JAK2: variants seen among roughly 807,000 people sequenced by gnomAD.
The protein encoded by JAK2 is tyrosine-protein kinase JAK2.
A neutral mutation model predicts 139.3 loss-of-function variants in JAK2; 86 were observed. That is an observed-to-expected ratio of 0.62 (90% CI 0.52 to 0.74). JAK2 has a LOEUF of 0.74. Among genes scored for constraint, JAK2 ranks in the 30% least tolerant of loss-of-function variants. The pLI is 0.00. For missense variants in JAK2, 1,421 were observed against 1,360.3 expected (o/e 1.04, Z -0.70); for synonymous variants, 490 against 437.7 (o/e 1.12, Z -1.49).
At chr9:4,999,449 AG>A (rs1820799658) in intron 2 of JAK2, among the ~76,000 whole-genome samples, 1 of 152,244 alleles carries the variant, frequency 6.6e-6, no homozygotes, top group Non-Finnish European at 1.5e-5. Context: ...CATTAGTCAA[AG>A]GGGCAAAAAA....
At chr9:5,061,559 G>C (rs1278592281) in intron 8 of JAK2, among the ~76,000 whole-genome samples, 1 of 152,138 alleles carries the variant, frequency 6.6e-6, no homozygotes, top group African/African-American at 2.4e-5. Flanking sequence ...ACCTCTCTCA[G>C]CCTTCATAGA....
intron 19 of JAK2, among the ~76,000 whole-genome samples, chr9:5,087,813 G>A (rs1455457506): frequency 6.6e-6 from 1 of 152,192 alleles, no homozygotes; most frequent in African/African-American, 2.4e-5. Flanking sequence ...ATCCTTAATA[G>A]AGATGTACAC....
chr9:5,045,080 T>C (rs1816908026), intron 5 of JAK2, among the ~76,000 whole-genome samples: 1 of 152,246 alleles, frequency 6.6e-6, no homozygotes, highest in Non-Finnish European at 1.5e-5. Context: ...TATTTCATAA[T>C]GCTTTCTTCT....
Position 5,081,257 on chromosome 9 carries a change from G to GT in JAK2, c.2435-467dup, listed in dbSNP as rs1407747866. Among the ~76,000 whole-genome samples, 4 of 94,846 alleles carry GT rather than the reference G, an allele frequency of 4.2e-5. No homozygotes were observed. The East Asian group carries it at 9.7e-4, about 23-fold the overall frequency. 62.2% of individuals were successfully genotyped at this position (94,846 alleles called of 152,430 possible). A position where few individuals can be genotyped will look rare whatever the true frequency, so the allele number is the denominator to read the frequency against. On this transcript the variant is annotated intron_variant, in intron 18 of 24. Coordinates refer to ENST00000381652, the MANE Select transcript of JAK2 (RefSeq NM_004972.4). ...TCCATTTAGTGAGTTGTAAATTATA[G>GT]TATTTTTTTTTTGCTTAAATTGACT...
intron 8 of JAK2, among the ~76,000 whole-genome samples, chr9:5,060,054 G>T (rs1338297179): frequency 6.6e-6 from 1 of 152,070 alleles, no homozygotes; most frequent in African/African-American, 2.4e-5. Flanking sequence ...AAATTTTTTG[G>T]TTTCTCAGTA....
intron 8 of JAK2, among the ~76,000 whole-genome samples, chr9:5,062,507 A>G (rs1256899260): frequency 3.1e-5 from 3 of 98,342 alleles, no homozygotes; most frequent in African/African-American, 9.9e-5. Flanking sequence ...TTGTAAAAAA[A>G]AAAAAAAAAA....
chr9:5,090,995 T>C, intron 22 of JAK2, 84 bp downstream of exon 22: 1 of 1,030,826 alleles, frequency 9.7e-7, no homozygotes, highest in Non-Finnish European at 1.4e-6. Flanking sequence ...TTGCCATTTC[T>C]ATATTTACAG....
At chr9:5,000,172 G>C (rs1317685803) in intron 2 of JAK2, among the ~76,000 whole-genome samples, 1 of 150,682 alleles carries the variant, frequency 6.6e-6, no homozygotes, top group Non-Finnish European at 1.5e-5. Flanking sequence ...TTAAAGTTTT[G>C]ATTATAGTGT....
chr9:5,110,129 A>G (rs1394213966), intron 22 of JAK2: 4 of 152,232 alleles, frequency 2.6e-5, no homozygotes, highest in Admixed American at 6.5e-5. Flanking sequence ...CAGCAGCAGG[A>G]AAGTCAGCTA....
Position 5,081,259 on chromosome 9 carries a change from A to T in JAK2, c.2435-466A>T, listed in dbSNP as rs1563984569. Among the ~76,000 whole-genome samples the T allele has an allele frequency of 3.3e-5, 5 of 149,918 alleles. No homozygotes were observed. In the East Asian group the frequency reaches 7.8e-4, roughly 23 times the overall value. On this transcript the variant is annotated intron_variant, in intron 18 of 24. Coordinates refer to ENST00000381652, the MANE Select transcript of JAK2 (RefSeq NM_004972.4). ...CATTTAGTGAGTTGTAAATTATAGT[A>T]TTTTTTTTTTGCTTAAATTGACTTT...
At position 5,122,993 on chromosome 9, in the gene JAK2, T is replaced by C; in HGVS notation, c.3060-11T>C. ...GTAACTGTCTTTTAAATGTTATTCATATATTTACAGGTATGCTCCAGAATC... is the reference window on the plus strand; with the variant it reads ...GTAACTGTCTTTTAAATGTTATTCACATATTTACAGGTATGCTCCAGAATC... On this transcript the variant is annotated splice_polypyrimidine_tract_variant and intron_variant, in intron 22 of 24. Coordinates refer to ENST00000381652, the MANE Select transcript of JAK2 (RefSeq NM_004972.4). 2 of 1,559,480 alleles carry C rather than the reference T, an allele frequency of 1.3e-6. No homozygotes were observed. The highest frequency in any genetic ancestry group is 1.8e-6 in the Non-Finnish European group (2 of 1,138,696).
chr9:5,124,046 T>C (rs1823811579), intron 23 of JAK2, among the ~76,000 whole-genome samples: 1 of 151,878 alleles, frequency 6.6e-6, no homozygotes, highest in Admixed American at 6.6e-5. Context: ...TGTCCACTTT[T>C]TAACACGATT....
chr9:5,108,910 A>G (rs190615500), intron 22 of JAK2: 9 of 152,206 alleles, frequency 5.9e-5, no homozygotes, highest in African/African-American at 1.9e-4. Flanking sequence ...TGCCTAGCAA[A>G]TTCCAACTAC....
Position 5,054,527 on chromosome 9 carries a change from T to A in JAK2, c.615-36T>A, listed in dbSNP as rs1817630342. ...TAGATTTATCTTCCAATTTTTGTTTTGTTTTGTTTTTCTGTATGTGCTTTT... is the reference window on the plus strand; with the variant it reads ...TAGATTTATCTTCCAATTTTTGTTTAGTTTTGTTTTTCTGTATGTGCTTTT... On this transcript the variant is annotated intron_variant, in intron 6 of 24. Coordinates refer to ENST00000381652, the MANE Select transcript of JAK2 (RefSeq NM_004972.4). This position sits in a 1 kb window ranked among gnomAD's most constrained non-coding sequence, Gnocchi z 4.9. 1 of 1,490,474 alleles carries A rather than the reference T, an allele frequency of 6.7e-7. No individual in the cohort carries two copies. Among genetic ancestry groups the A allele is most frequent in the Non-Finnish European group, 9.0e-7 (1 of 1,105,432 alleles). The allele number at this position is 1,490,474 out of a possible 1,614,324, so 92.3% of individuals were successfully genotyped here. A position where few individuals can be genotyped will look rare whatever the true frequency, so the allele number is the denominator to read the frequency against.
chr9:5,035,244 G>C (rs1294415583), intron 4 of JAK2, among the ~76,000 whole-genome samples: 1 of 152,098 alleles, frequency 6.6e-6, no homozygotes, highest in African/African-American at 2.4e-5. Flanking sequence ...ATAATTAATA[G>C]TTTACCAACC....
chr9:5,112,448 AG>A, intron 22 of JAK2: 1 of 531,114 alleles, frequency 1.9e-6, no homozygotes, highest in Admixed American at 2.8e-5. Flanking sequence ...GAGGAGAAGA[AG>A]GAGCTGAAGG....
At position 5,073,790 on chromosome 9, in the gene JAK2, G is replaced by A; in HGVS notation, c.1864+5G>A. On this transcript the variant is annotated splice_donor_5th_base_variant and intron_variant, in intron 14 of 24. Transcript: ENST00000381652. ...TATGTGTCTGTGGAGACGAGAGTAA[G>A]TAAAACTACAGGCTTTCTAATGCCT... 1 of 1,574,676 alleles carries A rather than the reference G, an allele frequency of 6.4e-7. No homozygotes were observed. Among genetic ancestry groups the A allele is most frequent in the Non-Finnish European group, 8.7e-7 (1 of 1,146,520 alleles).
At chr9:5,102,171 A>G (rs535523922) in intron 22 of JAK2, among the ~76,000 whole-genome samples, 284 of 152,300 alleles carry the variant, frequency 1.9e-3, no homozygotes, top group Non-Finnish European at 3.0e-3. Flanking sequence ...GCTAACTACA[A>G]TAAACAGTGT....
At position 5,059,447 on chromosome 9, in the gene JAK2, T is replaced by C. The variant is rs569246282; in HGVS notation, c.1056+3659T>C. Among the ~76,000 whole-genome samples, 11 of 152,312 alleles carry C rather than the reference T, an allele frequency of 7.2e-5. No homozygotes were observed. In the South Asian group the frequency reaches 2.3e-3, roughly 32 times the overall value. Reference sequence around the variant, plus strand: ...TTGAATTGTTTGACTGTACCTCAAATTTTAAATGTATTCTGTTGATGGACA... The same window carrying C: ...TTGAATTGTTTGACTGTACCTCAAACTTTAAATGTATTCTGTTGATGGACA... On this transcript the variant is annotated intron_variant, in intron 8 of 24. Coordinates refer to ENST00000381652, the MANE Select transcript of JAK2 (RefSeq NM_004972.4).
Sources: gnomAD v4.1 joint callset for allele counts (sites outside exome capture counted in the v4.1 genomes callset) on GRCh38, gnomAD v4.1.1 for gene constraint, Gnocchi (gnomAD v3.1) non-coding constraint, MANE v1.5 for transcripts, NCBI Gene and HGNC (gene_info 2026-07-23, HGNC 2026-07-21) for gene names.